Variants in EHBP1L1 observed in about 807,000 individuals in gnomAD.
The protein encoded by EHBP1L1 is EH domain-binding protein 1-like protein 1.
Under a neutral mutation model 151.1 loss-of-function variants are expected in EHBP1L1, and 122 were observed. That is an observed-to-expected ratio of 0.81 (90% CI 0.70 to 0.94). The LOEUF is 0.94. EHBP1L1 is among the 40% of genes least tolerant of loss of function. EHBP1L1 has a pLI of 0.00. For synonymous variants in EHBP1L1, 878 were observed against 810.1 expected, an observed-to-expected ratio of 1.08 and a Z score of -1.42; for missense variants, 1,941 against 1,959.8, an observed-to-expected ratio of 0.99 and a Z score of 0.18.
intron 3 of EHBP1L1, 57 bp downstream of exon 3, chr11:65,579,493 T>C: frequency 7.6e-7 from 1 of 1,315,870 alleles, no homozygotes; most frequent in Non-Finnish European, 1.0e-6. Flanking sequence ...GTTGCAACAA[T>C]TGCAACACAG....
rs376275465 is a variant in EHBP1L1, at chr11:65,581,859, C to T, written c.1187C>T (p.Pro396Leu). 6.2e-7 allele frequency: 1 copy of T among 1,613,590 alleles called. No homozygotes were observed. Among genetic ancestry groups the T allele is most frequent in the Non-Finnish European group, 8.5e-7 (1 of 1,179,768 alleles). The change falls in exon 9 of 19, where the codon CCA becomes CTA. Residue 396 changes from proline to leucine, a missense_variant. By Grantham distance (98) the Pro-to-Leu change is moderately conservative. Transcript: ENST00000309295. ...GAGGCCAGTGGGGTGGACACTGAGCCAAGGTCAGGAGGCAGAGAGGCAAAC... is the reference window on the plus strand; with the variant it reads ...GAGGCCAGTGGGGTGGACACTGAGCTAAGGTCAGGAGGCAGAGAGGCAAAC... Reference protein sequence around the residue: ...RPEASGVDTEPRSGGREANTK... With the variant: ...RPEASGVDTELRSGGREANTK...
intron 16 of EHBP1L1, 97 bp from the exon 17 acceptor site, chr11:65,591,703 T>A (rs1349772736): frequency 1.0e-6 from 1 of 980,050 alleles, no homozygotes; most frequent in East Asian, 2.6e-5. Context: ...GGAGGTGGGA[T>A]GGGGTCAGGG....
At position 65,584,225 on chromosome 11, in the gene EHBP1L1, A is replaced by G; in HGVS notation, c.3094-16A>G. 6.2e-7 allele frequency: 1 copy of G among 1,602,846 alleles called. No individual in the cohort carries two copies. The highest frequency in any genetic ancestry group is 8.5e-7 in the Non-Finnish European group (1 of 1,176,774). On this transcript the variant is annotated splice_polypyrimidine_tract_variant and intron_variant, in intron 9 of 18. Transcript: ENST00000309295. ...TCCCATTTATACATTCCCTAAGCCC[A>G]CCCCTGTGTCCTCAGGCACCACCTG...
At position 65,591,787 on chromosome 11, in the gene EHBP1L1, C is replaced by CCCCCCCCCCCCCCCCT; in HGVS notation, c.4284-13_4284-12insCCCCCCCCCCCCCCCT. ...TGCCACCCCCCCGCCACCCACCCCC[C>CCCCCCCCCCCCCCCCT]GCCACCTTCCAGCATGGAGGAGCAG... is the stretch of plus-strand genomic sequence containing the variant. On this transcript the variant is annotated splice_polypyrimidine_tract_variant and intron_variant, in intron 16 of 18. Coordinates refer to ENST00000309295, the MANE Select transcript of EHBP1L1 (RefSeq NM_001099409.3). 1 of 1,535,218 alleles carries CCCCCCCCCCCCCCCCT rather than the reference C, an allele frequency of 6.5e-7. No individual in the cohort carries two copies. The highest frequency in any genetic ancestry group is 1.4e-5 in the African/African-American group (1 of 72,340).
At position 65,579,344 on chromosome 11, in the gene EHBP1L1, C is replaced by T. The variant is rs778172782; in HGVS notation, c.166C>T (p.His56Tyr). 4.6e-5 allele frequency: 71 copies of T among 1,554,116 alleles called. No individual in the cohort carries two copies. Among genetic ancestry groups the T allele is most frequent in the Non-Finnish European group, 6.0e-5 (69 of 1,148,402 alleles). ...GGACTCAGATTGTCCCTTGTAGGCC[C>T]ACAGCTGGCAGCCGGGCATCCAGAA... ...RRNRRICSKA[H>Y]SWQPGIQNPY... The change falls in exon 3 of 19, where the codon CAC becomes TAC. Residue 56 changes from histidine (H) to tyrosine (Y), a missense_variant. Physicochemically the swap from His to Tyr is moderately conservative, Grantham distance 83. Transcript: ENST00000309295.
At chr11:65,577,463 C>T (rs772463838) in intron 1 of EHBP1L1, among the ~76,000 whole-genome samples, 1 of 152,206 alleles carries the variant, frequency 6.6e-6, no homozygotes, top group Non-Finnish European at 1.5e-5. Context: ...GCTCCTGCTC[C>T]AGCATCCTGC....
In EHBP1L1 at chr11:65,590,099, G is replaced by A; in HGVS notation, c.4072G>A (p.Asp1358Asn). 1 of 1,613,886 alleles carries A rather than the reference G, an allele frequency of 6.2e-7. No homozygotes were observed. Residue 1358 changes from aspartate (D) to asparagine (N), a missense_variant, in exon 15 of 19, where the codon GAC becomes AAC. Coordinates refer to ENST00000309295, the MANE Select transcript of EHBP1L1 (RefSeq NM_001099409.3). ...GEEAGLQRFQ[D>N]TSQYVCAELQ... ...TTTCCACCCCCAGCAACGGTTCCAG[G>A]ACACAAGTCAGTACGTGTGTGCAGA...
rs2135271991 is a variant in EHBP1L1 at position 65,582,925 on chromosome 11, C to T, written c.2253C>T (p.Ala751=). Residue 751 remains alanine (A), a synonymous_variant, in exon 9 of 19, where the codon GCC becomes GCT. Coordinates refer to ENST00000309295, the MANE Select transcript of EHBP1L1 (RefSeq NM_001099409.3). ...AEIAESDILV[A]QEIEVGLLGV... ...TAGCAGAGTCTGACATATTGGTAGC[C>T]CAGGAGATAGAGGTGGGACTTTTGG... The T allele has an allele frequency of 6.2e-6, 10 of 1,613,026 alleles. No homozygotes were observed. The highest frequency in any genetic ancestry group is 8.5e-6 in the Non-Finnish European group (10 of 1,179,602).
chr11:65,585,178 G>A lies in EHBP1L1; in HGVS notation c.3520G>A (p.Asp1174Asn), dbSNP rs1857888838. 1.5e-6 allele frequency: 2 copies of A among 1,302,484 alleles called. No individual in the cohort carries two copies. Among genetic ancestry groups the A allele is most frequent in the Non-Finnish European group, 1.9e-6 (2 of 1,027,482 alleles). The allele number at this position is 1,302,484 out of a possible 1,614,324, so 80.7% of individuals were successfully genotyped here. Residue 1174 changes from aspartate to asparagine, a missense_variant, in exon 12 of 19, where the codon GAC becomes AAC. Asp to Asn is a conservative substitution (Grantham distance 23). Transcript: ENST00000309295. This position sits in a 1 kb window ranked among gnomAD's most constrained non-coding sequence, Gnocchi z 4.0. ...CCAGCCCAGCCCGCCCGACGACCTGGACGCCGGAGGCCTGGCGCAGCGGCT... is the reference window on the plus strand; with the variant it reads ...CCAGCCCAGCCCGCCCGACGACCTGAACGCCGGAGGCCTGGCGCAGCGGCT... ...SAQPSPPDDLDAGGLAQRLRG... is the reference protein window; with the variant it reads ...SAQPSPPDDLNAGGLAQRLRG...
chr11:65,581,401 C>G, intron 8 of EHBP1L1, 28 bp downstream of exon 8: 3 of 1,508,104 alleles, frequency 2.0e-6, no homozygotes, highest in Non-Finnish European at 1.8e-6. Context: ...CCTCACCCCC[C>G]ATTGCCCCCT....
chr11:65,591,866 C>A lies in EHBP1L1; in HGVS notation c.4350C>A (p.Ala1450=). ...GCCGCGAGCTGCGGGCCATGCTGGCCATCGAAGGTGGGACATGGGCTCAGG... is the reference window on the plus strand; with the variant it reads ...GCCGCGAGCTGCGGGCCATGCTGGCAATCGAAGGTGGGACATGGGCTCAGG... ...LLSRELRAML[A]IEDWQKTSAQ... The change falls in exon 17 of 19, where the codon GCC becomes GCA. Residue 1450 remains alanine (A), a synonymous_variant. Transcript: ENST00000309295. 1 of 1,579,830 alleles carries A rather than the reference C, an allele frequency of 6.3e-7. No individual in the cohort carries two copies.
Position 65,585,426 on chromosome 11 carries a change from C to T in EHBP1L1, c.3768C>T (p.Pro1256=), listed in dbSNP as rs1857911739. 1 of 1,465,586 alleles carries T rather than the reference C, an allele frequency of 6.8e-7. No individual in the cohort carries two copies. Among genetic ancestry groups the T allele is most frequent in the Non-Finnish European group, 9.0e-7 (1 of 1,114,662 alleles). 90.8% of individuals were successfully genotyped at this position (1,465,586 alleles called of 1,614,324 possible). A position where few individuals can be genotyped will look rare whatever the true frequency, so the allele number is the denominator to read the frequency against. Residue 1256 remains proline (P), a synonymous_variant, in exon 12 of 19, where the codon CCC becomes CCT. Coordinates refer to ENST00000309295, the MANE Select transcript of EHBP1L1 (RefSeq NM_001099409.3). The surrounding 1 kb of genome is among the most constrained non-coding windows in gnomAD (Gnocchi z 4.0). ...PGGGGVRLRR[P]SVNGEPGSVP... ...GCGGCGGCGTGAGGCTGCGACGGCCCTCGGTCAACGGGGAGCCCGGGTCGG... is the reference window on the plus strand; with the variant it reads ...GCGGCGGCGTGAGGCTGCGACGGCCTTCGGTCAACGGGGAGCCCGGGTCGG...
rs758995449 is a variant in EHBP1L1 at position 65,579,942 on chromosome 11, C to G, written c.265C>G (p.His89Asp). 2 of 1,613,856 alleles carry G rather than the reference C, an allele frequency of 1.2e-6. No homozygotes were observed. The highest frequency in any genetic ancestry group is 2.2e-5 in the South Asian group (2 of 91,084). ...CCAGCACCCTTCTTCCCAGGACCCC[C>G]ACGTGGACCAGTATGAGGCCAAAGA... is the stretch of plus-strand genomic sequence containing the variant. ...DISVTLYRDP[H>D]VDQYEAKEWT... Residue 89 changes from histidine to aspartate, a missense_variant, in exon 4 of 19, where the codon CAC becomes GAC. Transcript: ENST00000309295.
At chr11:65,586,507 G>A (rs144588071) in intron 12 of EHBP1L1, among the ~76,000 whole-genome samples, 139 of 152,376 alleles carry the variant, frequency 9.1e-4, no homozygotes, top group Middle Eastern at 6.8e-3. Context: ...AGGTTGATAA[G>A]ATGGCCAGGT....
At chr11:65,583,895 G>T (rs981468665) in intron 9 of EHBP1L1, 130 bp downstream of exon 9, 3 of 1,421,068 alleles carry the variant, frequency 2.1e-6, no homozygotes, top group Non-Finnish European at 2.7e-6. Flanking sequence ...GCTTGAAGGA[G>T]CCCCCTCATC....
chr11:65,577,033 G>C (rs1378562558), intron 1 of EHBP1L1, among the ~76,000 whole-genome samples: 1 of 152,212 alleles, frequency 6.6e-6, no homozygotes, highest in Non-Finnish European at 1.5e-5. Context: ...GGGAGGAGAG[G>C]GTTGCGGAGG....
In EHBP1L1 at chr11:65,585,691, C is replaced by T; in HGVS notation, c.3933+100C>T. On this transcript the variant is annotated intron_variant, in intron 12 of 18. Transcript: ENST00000309295. This position sits in a 1 kb window ranked among gnomAD's most constrained non-coding sequence, Gnocchi z 4.0. ...CCCCCAAGGGGCCCCAAGGACAGAG[C>T]TGGCGCGAGGGTGACGGTTTCAGAG... The T allele has an allele frequency of 6.7e-7, 1 of 1,489,856 alleles. No homozygotes were observed. The highest frequency in any genetic ancestry group is 8.9e-7 in the Non-Finnish European group (1 of 1,119,180). 92.3% of individuals were successfully genotyped at this position (1,489,856 alleles called of 1,614,324 possible). A position where few individuals can be genotyped will look rare whatever the true frequency, so the allele number is the denominator to read the frequency against.
rs763537126 is a variant in EHBP1L1, at chr11:65,592,029, C to G, written c.4411C>G (p.Leu1471Val). Residue 1471 changes from leucine to valine, a missense_variant, in exon 18 of 19, where the codon CTG (leucine) becomes GTG (valine). Coordinates refer to ENST00000309295, the MANE Select transcript of EHBP1L1 (RefSeq NM_001099409.3). ...CCGAGAGCAGCTCCTACTGGAGGAG[C>G]TGGTGTCGCTGGTGAACCAGCGCGA... ...QHREQLLLEE[L>V]VSLVNQRDEL... The G allele has an allele frequency of 3.7e-6, 6 of 1,613,316 alleles. No individual in the cohort carries two copies. In the Admixed American group the frequency reaches 5.0e-5, roughly 13 times the overall value.
chr11:65,581,050 A>T lies in EHBP1L1; in HGVS notation c.635-8A>T, dbSNP rs765021477. ...CTCTGCCCTTCTCCCCTCTCCTACC[A>T]TTCCCAGATCCCTCTCGAGAGCTGA... On this transcript the variant is annotated splice_polypyrimidine_tract_variant and splice_region_variant and intron_variant, in intron 6 of 18. Transcript: ENST00000309295. 7.5e-6 allele frequency: 12 copies of T among 1,602,558 alleles called. No individual in the cohort carries two copies. In the East Asian group the frequency reaches 2.5e-4, roughly 33 times the overall value.
Sources: gnomAD v4.1 joint callset for allele counts (sites outside exome capture counted in the v4.1 genomes callset) on GRCh38, gnomAD v4.1.1 for gene constraint, Gnocchi (gnomAD v3.1) non-coding constraint, MANE v1.5 for transcripts, NCBI Gene and HGNC (gene_info 2026-07-23, HGNC 2026-07-21) for gene names.